TOP1: variants seen among roughly 807,000 people sequenced by gnomAD.
TOP1 encodes DNA topoisomerase 1.
A neutral mutation model predicts 111.1 loss-of-function variants in TOP1; 10 were observed. That is an observed-to-expected ratio of 0.09 (90% CI 0.06 to 0.15). TOP1 has a LOEUF of 0.15. TOP1 is among the 10% of genes least tolerant of loss of function. The pLI, the probability that TOP1 is intolerant of heterozygous loss-of-function variation, is 1.00. For missense variants in TOP1, 474 were observed against 926.7 expected (o/e 0.51, Z 6.34); for synonymous variants, 271 against 302.9 (o/e 0.89, Z 1.10).
At chr20:41,051,668 T>G (rs1355977736) in intron 2 of TOP1, among the ~76,000 whole-genome samples, 4 of 152,120 alleles carry the variant, frequency 2.6e-5, no homozygotes, top group Non-Finnish European at 4.4e-5. Flanking sequence ...GTACCAGGGT[T>G]GTTAGAGTAG....
intron 2 of TOP1, among the ~76,000 whole-genome samples, chr20:41,047,910 C>A (rs923495583): frequency 6.6e-6 from 1 of 152,074 alleles, no homozygotes; most frequent in Non-Finnish European, 1.5e-5. Context: ...GTCCAGACAA[C>A]GAAGAAAACT....
intron 2 of TOP1, among the ~76,000 whole-genome samples, chr20:41,042,207 G>T (rs1329553344): frequency 6.6e-6 from 1 of 152,130 alleles, no homozygotes; most frequent in Non-Finnish European, 1.5e-5. Flanking sequence ...ACCGTGCCCA[G>T]CCAAGATTAC....
chr20:41,059,792 T>G (rs2033522820), intron 2 of TOP1, among the ~76,000 whole-genome samples: 1 of 152,176 alleles, frequency 6.6e-6, no homozygotes, highest in Non-Finnish European at 1.5e-5. Flanking sequence ...ACAGTTCGTA[T>G]AGCTAACAAA....
chr20:41,090,669 A>C (rs2033908855), intron 8 of TOP1, among the ~76,000 whole-genome samples: 1 of 150,164 alleles, frequency 6.7e-6, no homozygotes, highest in Non-Finnish European at 1.5e-5. Flanking sequence ...TGCCTGGATA[A>C]TTTTTGTATT....
intron 2 of TOP1, among the ~76,000 whole-genome samples, chr20:41,045,594 T>C (rs964997747): frequency 6.6e-6 from 1 of 152,244 alleles, no homozygotes; most frequent in Non-Finnish European, 1.5e-5. Flanking sequence ...GATGAACTTA[T>C]ATTTATGTAC....
chr20:41,105,301 T>C (rs770420538), intron 13 of TOP1, among the ~76,000 whole-genome samples: 1 of 152,228 alleles, frequency 6.6e-6, no homozygotes, highest in East Asian at 1.9e-4. Flanking sequence ...TAAAGACATA[T>C]TGTACAACCT....
rs567632799 is a variant in TOP1, at chr20:41,069,218, G to C, written c.156-6953G>C. Among the ~76,000 whole-genome samples the C allele has an allele frequency of 1.3e-5, 2 of 152,288 alleles. No homozygotes were observed. Among genetic ancestry groups the C allele is most frequent in the African/African-American group, 4.8e-5 (2 of 41,550 alleles). ...TACGCATCTAGTTCTCAGATTAGGG[G>C]AGATTTTTCTGAAATTAATAAAATT... On this transcript the variant is annotated intron_variant, in intron 3 of 20. Transcript: ENST00000361337. The surrounding 1 kb of genome is among the most constrained non-coding windows in gnomAD (Gnocchi z 4.1).
chr20:41,043,695 T>A lies in TOP1; in HGVS notation c.58+14240T>A, dbSNP rs1193027761. On this transcript the variant is annotated intron_variant, in intron 2 of 20. Transcript: ENST00000361337. ...TGGTCTTAGTGTGTTTGGAGGCCCC[T>A]GACCATTGGAAACAAAGGCAGTTTA... 2.6e-5 allele frequency among the ~76,000 whole-genome samples: 4 copies of A among 152,188 alleles called. No homozygotes were observed. In the East Asian group the frequency reaches 7.7e-4, roughly 29 times the overall value.
Position 41,116,275 on chromosome 20 carries a change from C to T in TOP1, c.1708-3C>T, listed in dbSNP as rs2034328629. The stretch of plus-strand genomic sequence containing the variant: ...CCTAAATCTGTTGCTTTGTCTCCTC[C>T]AGACTGGTATTCTGAATAAGCATCT... On this transcript the variant is annotated splice_polypyrimidine_tract_variant and splice_region_variant and intron_variant, in intron 16 of 20. Transcript: ENST00000361337. This position sits in a 1 kb window ranked among gnomAD's most constrained non-coding sequence, Gnocchi z 5.6. 1 of 1,607,800 alleles carries T rather than the reference C, an allele frequency of 6.2e-7. No individual in the cohort carries two copies. Among genetic ancestry groups the T allele is most frequent in the East Asian group, 2.2e-5 (1 of 44,846 alleles).
chr20:41,105,105 C>G (rs184803588), intron 13 of TOP1, among the ~76,000 whole-genome samples: 2 of 152,200 alleles, frequency 1.3e-5, no homozygotes, highest in East Asian at 3.9e-4. Flanking sequence ...ACTTGTATAC[C>G]ATTCACCTTC....
At position 41,112,891 on chromosome 20, in the gene TOP1, G is replaced by A. The variant is rs2034264978; in HGVS notation, c.1418G>A (p.Arg473Gln). The stretch of plus-strand genomic sequence containing the variant: ...TGGAAGTCCAAAGAGATGAAAGTCC[G>A]GCAGAGAGCTGTAGCCCTGTACTTC... The part of the protein sequence containing the change: ...EDWKSKEMKV[R>Q]QRAVALYFID... Residue 473 changes from arginine (R) to glutamine (Q), a missense_variant, in exon 14 of 21, where the codon CGG (arginine) becomes CAG (glutamine). This residue lies in a region of TOP1 where 8 missense variants were observed against 61.9 expected (regional missense o/e 0.13). Transcript: ENST00000361337. This position sits in a 1 kb window ranked among gnomAD's most constrained non-coding sequence, Gnocchi z 5.8. 2 of 1,614,204 alleles carry A rather than the reference G, an allele frequency of 1.2e-6. No individual in the cohort carries two copies. The highest frequency in any genetic ancestry group is 1.7e-6 in the Non-Finnish European group (2 of 1,180,034).
intron 8 of TOP1, among the ~76,000 whole-genome samples, chr20:41,089,017 G>GTTATTTTTTTTTTTTTT (rs1290740653): frequency 1.4e-5 from 1 of 69,260 alleles, no homozygotes; most frequent in African/African-American, 7.8e-5. Flanking sequence ...TGTTGCCCCA[G>GTTATTTTTTTTTTTTTT]TTCTTTTTTT....
At chr20:41,031,995 A>C (rs2033125889) in intron 2 of TOP1, among the ~76,000 whole-genome samples, 1 of 152,214 alleles carries the variant, frequency 6.6e-6, no homozygotes, top group Admixed American at 6.5e-5. Context: ...TATGCTTGCT[A>C]TCTCAAGTAA....
chr20:41,108,625 T>C (rs193175053), intron 13 of TOP1, among the ~76,000 whole-genome samples: 45 of 152,288 alleles, frequency 3.0e-4, no homozygotes, highest in African/African-American at 1.1e-3. Flanking sequence ...TTTTTGCTTT[T>C]CCCCCCAGGA....
In TOP1 at chr20:41,029,308, G is replaced by A. The variant is rs1391191499; in HGVS notation, c.34-123G>A. The A allele has an allele frequency of 5.4e-6, 5 of 918,480 alleles. No individual in the cohort carries two copies. Among genetic ancestry groups the A allele is most frequent in the Non-Finnish European group, 7.8e-6 (5 of 642,938 alleles). The allele number at this position is 918,480 out of a possible 1,614,324, so 56.9% of individuals were successfully genotyped here. ...CGAGGCAGGGATGGCTGCCCTCTGT[G>A]GCCACCCCCGGGTCCCCGTCCTCCC... On this transcript the variant is annotated intron_variant, in intron 1 of 20. Coordinates refer to ENST00000361337, the MANE Select transcript of TOP1 (RefSeq NM_003286.4). This position sits in a 1 kb window ranked among gnomAD's most constrained non-coding sequence, Gnocchi z 6.1.
intron 18 of TOP1, among the ~76,000 whole-genome samples, chr20:41,119,402 CTGAG>C (rs1409156053): frequency 6.6e-6 from 1 of 152,132 alleles, no homozygotes; most frequent in Non-Finnish European, 1.5e-5. Flanking sequence ...ATCACTTGAG[CTGAG>C]TAATTCAAGA....
At chr20:41,087,486 T>A (rs2033862795) in intron 8 of TOP1, among the ~76,000 whole-genome samples, 2 of 152,236 alleles carry the variant, frequency 1.3e-5, no homozygotes, top group South Asian at 4.1e-4. Context: ...AATGGAGTTT[T>A]CAATCTCTTA....
chr20:41,123,871 C>G lies in TOP1; in HGVS notation c.*574C>G, dbSNP rs2034456844. On this transcript the variant is annotated 3_prime_UTR_variant, in exon 21 of 21. Transcript: ENST00000361337. This position sits in a 1 kb window ranked among gnomAD's most constrained non-coding sequence, Gnocchi z 5.8. ...TCGTGGCTTTGGCAGTGTTTTGGTT[C>G]AGACACCTGTTCACAGAAAAAGCAT... 1 of 232,304 alleles carries G rather than the reference C, an allele frequency of 4.3e-6. No homozygotes were observed. Among genetic ancestry groups the G allele is most frequent in the South Asian group, 1.8e-4 (1 of 5,508 alleles). 14.4% of individuals were successfully genotyped at this position (232,304 alleles called of 1,614,324 possible). A position where few individuals can be genotyped will look rare whatever the true frequency, so the allele number is the denominator to read the frequency against.
rs767039180 is a variant in TOP1, at chr20:41,116,160, C to A, written c.1708-118C>A. ...CTTTTCCTCTTTCCCTAACTTCCCA[C>A]TTGTAGGGCAATAAACTTGACAAGA... On this transcript the variant is annotated intron_variant, in intron 16 of 20. Transcript: ENST00000361337. This position sits in a 1 kb window ranked among gnomAD's most constrained non-coding sequence, Gnocchi z 5.6. 1.5e-4 allele frequency: 96 copies of A among 649,188 alleles called. No individual in the cohort carries two copies. The highest frequency in any genetic ancestry group is 2.4e-4 in the Non-Finnish European group (86 of 363,884). 40.2% of individuals were successfully genotyped at this position (649,188 alleles called of 1,614,324 possible).
Sources: allele counts gnomAD v4.1 joint callset (sites outside exome capture counted in the v4.1 genomes callset), GRCh38; gene constraint gnomAD v4.1.1; regional missense constraint gnomAD v4.1.1; non-coding constraint Gnocchi (gnomAD v3.1); transcripts MANE v1.5; gene names NCBI Gene and HGNC (gene_info 2026-07-23, HGNC 2026-07-21).